The following RGS6 variants were observed in gnomAD, a reference collection of about 807,000 sequenced individuals.
RGS6 encodes regulator of G protein signaling 6, also known as regulator of G-protein signaling 6.
A neutral mutation model predicts 78.5 loss-of-function variants in RGS6; 30 were observed. The observed-to-expected ratio is 0.38, with a 90% CI of 0.29 to 0.52. RGS6 has a LOEUF of 0.52. Among genes scored for constraint, RGS6 ranks in the 20% least tolerant of loss-of-function variants. The probability of loss-of-function intolerance (pLI) is 0.85; values close to 1 mark genes in which losing one functional copy is unlikely to be tolerated. For synonymous variants in RGS6, 206 were observed against 206.0 expected (o/e 1.00, Z 0.00); for missense variants, 495 against 609.7 (o/e 0.81, Z 1.98).
At chr14:72,327,007 A>G (rs1013950961) in intron 2 of RGS6, among the ~76,000 whole-genome samples, 3 of 152,192 alleles carry the variant, frequency 2.0e-5, no homozygotes, top group Admixed American at 1.3e-4. Flanking sequence ...GCGCCCGGCC[A>G]GGTATTTCTT....
At chr14:72,546,386 C>G (rs2097403610) in intron 17 of RGS6, among the ~76,000 whole-genome samples, 1 of 152,174 alleles carries the variant, frequency 6.6e-6, no homozygotes, top group South Asian at 2.1e-4. Context: ...GACAAAGTGG[C>G]TCCTCACGGG....
At chr14:72,239,784 C>T (rs1166629022) in intron 2 of RGS6, among the ~76,000 whole-genome samples, 1 of 152,222 alleles carries the variant, frequency 6.6e-6, no homozygotes, top group East Asian at 1.9e-4. Context: ...AGCCATCCCT[C>T]AAATCTCTCA....
chr14:72,141,917 G>A (rs978407401), intron 2 of RGS6, among the ~76,000 whole-genome samples: 6 of 149,768 alleles, frequency 4.0e-5, no homozygotes, highest in African/African-American at 1.2e-4. Flanking sequence ...AAAACCCAAA[G>A]CACCTAGAAC....
At chr14:72,177,705 G>T (rs754334516) in intron 2 of RGS6, among the ~76,000 whole-genome samples, 1 of 152,098 alleles carries the variant, frequency 6.6e-6, no homozygotes, top group Non-Finnish European at 1.5e-5. Context: ...AAATATAAAG[G>T]CTGTACAGGG....
intron 2 of RGS6, among the ~76,000 whole-genome samples, chr14:72,337,346 A>G (rs755351561): frequency 6.6e-6 from 1 of 151,730 alleles, no homozygotes; most frequent in Non-Finnish European, 1.5e-5. Context: ...CGTGTTTCCA[A>G]TGCAGTGGTT....
chr14:72,606,107 T>C, the RGS6 span, among the ~76,000 whole-genome samples: 3 of 151,784 alleles, frequency 2.0e-5, no homozygotes, highest in African/African-American at 7.3e-5. Context: ...AAAACCACTA[T>C]TCTAGAACAA....
intron 3 of RGS6, among the ~76,000 whole-genome samples, chr14:72,392,466 G>A (rs996215004): frequency 1.6e-4 from 24 of 152,004 alleles, no homozygotes; most frequent in African/African-American, 4.6e-4. Flanking sequence ...AGGATATGCC[G>A]GCTCCCATCA....
chr14:71,956,330 A>AGTGTGTGT (rs113351320), intron 1 of RGS6, among the ~76,000 whole-genome samples: 2 of 74,356 alleles, frequency 2.7e-5, no homozygotes, highest in African/African-American at 1.2e-4. Flanking sequence ...CAGAACTAAT[A>AGTGTGTGT]GTGTGTGTGT....
chr14:72,611,518 C>G, the RGS6 span, among the ~76,000 whole-genome samples: 1 of 152,154 alleles, frequency 6.6e-6, no homozygotes, highest in East Asian at 1.9e-4. Flanking sequence ...GCCCCCACCC[C>G]CCCAGTCCCG....
the RGS6 span, among the ~76,000 whole-genome samples, chr14:72,575,584 A>C: frequency 6.6e-6 from 1 of 152,210 alleles, no homozygotes; most frequent in Admixed American, 6.5e-5. Context: ...GCAGAAGGAC[A>C]TCTGGAAGAA....
intron 2 of RGS6, among the ~76,000 whole-genome samples, chr14:72,089,539 A>C (rs1452104352): frequency 6.6e-6 from 1 of 152,172 alleles, no homozygotes; most frequent in Non-Finnish European, 1.5e-5. Flanking sequence ...TATCTGCTCT[A>C]TCCAATTTGT....
intron 14 of RGS6, among the ~76,000 whole-genome samples, chr14:72,512,684 A>G (rs1267163664): frequency 6.6e-6 from 1 of 152,226 alleles, no homozygotes; most frequent in Non-Finnish European, 1.5e-5. Context: ...CTGGATGCCC[A>G]AATTCCATTT....
chr14:72,552,854 G>T (rs946790953), intron 17 of RGS6: 1 of 152,124 alleles, frequency 6.6e-6, no homozygotes, highest in Admixed American at 6.6e-5. Context: ...CCTTTTTCAT[G>T]GGGGAGAATT....
chr14:72,474,711 T>C lies in RGS6; in HGVS notation c.693+12T>C. ...AAAAGGTTAAAAAGGTTCGCTAGTT[T>C]AGCTGAGTTAAAAATTCCTGATGTG... is the stretch of plus-strand genomic sequence containing the variant. On this transcript the variant is annotated intron_variant, in intron 10 of 17. Coordinates refer to ENST00000553525, the MANE Select transcript of RGS6 (RefSeq NM_001204424.2). 1 of 1,608,916 alleles carries C rather than the reference T, an allele frequency of 6.2e-7. No homozygotes were observed. The highest frequency in any genetic ancestry group is 8.5e-7 in the Non-Finnish European group (1 of 1,178,082).
At chr14:72,426,078 G>T (rs568219059) in intron 3 of RGS6, among the ~76,000 whole-genome samples, 1 of 152,044 alleles carries the variant, frequency 6.6e-6, no homozygotes, top group Non-Finnish European at 1.5e-5. Context: ...CTGCTTAGAT[G>T]ATAATATAAT....
chr14:71,938,940 T>C (rs61996396), intron 1 of RGS6, among the ~76,000 whole-genome samples: 9,139 of 152,238 alleles, frequency 0.06, 371 homozygotes, highest in Non-Finnish European at 0.091. Flanking sequence ...TATGGGCGCC[T>C]GCCAAAGGCT....
At chr14:72,540,447 G>A (rs2097309119) in intron 17 of RGS6, 36 of 1,485,092 alleles carry the variant, frequency 2.4e-5, no homozygotes, top group South Asian at 2.0e-4. Flanking sequence ...AGAAGCCATC[G>A]AACTATACCG....
At chr14:71,912,875 G>C in the RGS6 span, among the ~76,000 whole-genome samples, 1 of 151,878 alleles carries the variant, frequency 6.6e-6, no homozygotes, top group South Asian at 2.1e-4. Flanking sequence ...ACCCAGGCTG[G>C]AGTGCAGAGG....
At chr14:72,498,498 T>C (rs1334930090) in intron 13 of RGS6, among the ~76,000 whole-genome samples, 1 of 152,188 alleles carries the variant, frequency 6.6e-6, no homozygotes, top group Non-Finnish European at 1.5e-5. Context: ...TGCCTGGTCC[T>C]CACACACAGC....
Sources: gnomAD v4.1 joint callset for allele counts (sites outside exome capture counted in the v4.1 genomes callset) on GRCh38, gnomAD v4.1.1 for gene constraint, MANE v1.5 for transcripts, NCBI Gene and HGNC (gene_info 2026-07-23, HGNC 2026-07-21) for gene names.